Variants in ADGRG2 observed in about 807,000 individuals in gnomAD.
The protein encoded by ADGRG2 is G protein-coupled receptor 64.
ADGRG2 carries 26 observed loss-of-function variants against 74.1 expected under a neutral mutation model. The observed-to-expected ratio is 0.35, with a 90% CI of 0.26 to 0.49. The LOEUF is 0.49. ADGRG2 is among the 20% of genes least tolerant of loss of function. ADGRG2 has a pLI of 0.99. For synonymous variants in ADGRG2, 296 were observed against 295.2 expected (o/e 1.00, Z -0.03); for missense variants, 619 against 763.1 (o/e 0.81, Z 2.22).
chrX:19,017,431 T>TTA (rs2060492103), intron 15 of ADGRG2, among the ~76,000 whole-genome samples: 1 of 111,644 alleles, frequency 9.0e-6, no homozygotes, highest in Non-Finnish European at 1.9e-5. Flanking sequence ...TCCTGACCCC[T>TTA]TTTCTATTCC....
chrX:19,024,386 C>T lies in ADGRG2; in HGVS notation c.471-438G>A, dbSNP rs141778386. On this transcript the variant is annotated intron_variant, in intron 11 of 28. Coordinates refer to ENST00000379869, the MANE Select transcript of ADGRG2 (RefSeq NM_001079858.3). ...GTCTGCCCTCTCTGGCCCTCTCCAACGCTGCCTTCCCCTCCTCACAACTCC... is the reference window on the plus strand; with the variant it reads ...GTCTGCCCTCTCTGGCCCTCTCCAATGCTGCCTTCCCCTCCTCACAACTCC... Among the ~76,000 whole-genome samples, 10 of 111,472 alleles carry T rather than the reference C, an allele frequency of 9.0e-5. No homozygotes were observed. In the East Asian group the frequency reaches 2.0e-3, roughly 22 times the overall value.
chrX:19,076,928 A>G (rs2061757758), intron 2 of ADGRG2, among the ~76,000 whole-genome samples: 1 of 112,074 alleles, frequency 8.9e-6, no homozygotes, highest in African/African-American at 3.2e-5. Context: ...AATGAAATTC[A>G]AAAATTAAAG....
chrX:19,015,209 T>A (rs1004348803), intron 15 of ADGRG2, among the ~76,000 whole-genome samples: 1 of 111,874 alleles, frequency 8.9e-6, no homozygotes, highest in Non-Finnish European at 1.9e-5. Flanking sequence ...AGATGGAGAC[T>A]TAGAACACCA....
At chrX:19,054,812 T>C (rs1256968656) in intron 3 of ADGRG2, among the ~76,000 whole-genome samples, 4 of 111,854 alleles carry the variant, frequency 3.6e-5, no homozygotes, top group African/African-American at 1.3e-4. Context: ...TGGGCAGATG[T>C]GGGCAGCAGC....
chrX:19,122,915 C>T (rs1190716740), upstream of ADGRG2, among the ~76,000 whole-genome samples: 1 of 112,247 alleles, frequency 8.9e-6, no homozygotes, highest in African/African-American at 3.2e-5. Flanking sequence ...TTAGGGCTCG[C>T]CCCGGTACCC....
At chrX:18,999,323 G>C (rs752089952) in intron 25 of ADGRG2, 44 bp from the exon 26 acceptor site, 4 of 1,035,884 alleles carry the variant, frequency 3.9e-6, no homozygotes, top group Non-Finnish European at 5.2e-6. Context: ...ACATATTATA[G>C]TAATGAACTA....
At chrX:19,100,033 C>CA (rs750029807) in intron 1 of ADGRG2, among the ~76,000 whole-genome samples, 73 of 110,926 alleles carry the variant, frequency 6.6e-4, no homozygotes, top group African/African-American at 2.2e-3. Flanking sequence ...GACCCTGTCT[C>CA]AAAAAAACAC....
chrX:19,090,394 G>A (rs1050837355), intron 1 of ADGRG2, among the ~76,000 whole-genome samples: 1 of 111,801 alleles, frequency 8.9e-6, no homozygotes, highest in African/African-American at 3.3e-5. Flanking sequence ...ATGGGCCTTC[G>A]AGCCAGATGC....
At chrX:19,012,092 C>T (rs1473792785) in intron 16 of ADGRG2, among the ~76,000 whole-genome samples, 1 of 111,753 alleles carries the variant, frequency 8.9e-6, no homozygotes, top group African/African-American at 3.3e-5. Flanking sequence ...TGAAAATGCC[C>T]CCAAGTTTCT....
chrX:18,996,196 C>T (rs766612715), intron 26 of ADGRG2, 44 bp from the exon 27 acceptor site: 1 of 620,639 alleles, frequency 1.6e-6, no homozygotes, highest in Admixed American at 2.4e-5. Flanking sequence ...AAGCTAATAG[C>T]TGAATGTCAT....
chrX:19,099,878 T>A (rs764098652), intron 1 of ADGRG2, among the ~76,000 whole-genome samples: 2 of 110,694 alleles, frequency 1.8e-5, no homozygotes, highest in South Asian at 7.8e-4. Flanking sequence ...CTACAAAAAA[T>A]TCAAAAATTA....
At chrX:19,057,574 C>T (rs1032380359) in intron 3 of ADGRG2, among the ~76,000 whole-genome samples, 1 of 111,997 alleles carries the variant, frequency 8.9e-6, no homozygotes, top group East Asian at 2.8e-4. Flanking sequence ...CGATGACTCA[C>T]GCCTGTAATC....
chrX:19,092,732 C>T (rs2062033571), intron 1 of ADGRG2, among the ~76,000 whole-genome samples: 1 of 111,930 alleles, frequency 8.9e-6, no homozygotes, highest in Admixed American at 9.5e-5. Flanking sequence ...CATCCTGAAC[C>T]AGGACCTAGT....
chrX:19,049,145 C>T (rs1452623696), intron 3 of ADGRG2, among the ~76,000 whole-genome samples: 1 of 112,322 alleles, frequency 8.9e-6, no homozygotes, highest in Non-Finnish European at 1.9e-5. Flanking sequence ...CACTTTTCCC[C>T]CAGAAGGCCC....
intron 1 of ADGRG2, among the ~76,000 whole-genome samples, chrX:19,111,212 G>T (rs1216466573): frequency 2.7e-5 from 3 of 111,178 alleles, no homozygotes; most frequent in Non-Finnish European, 5.7e-5. Flanking sequence ...CAGGGAATCA[G>T]GATTTTGCTT....
At chrX:19,033,058 C>T (rs900572315) in intron 8 of ADGRG2, 5 of 111,717 alleles carry the variant, frequency 4.5e-5, no homozygotes, top group African/African-American at 1.6e-4. Context: ...AATCCTGTCT[C>T]TACAAAAAAT....
At chrX:19,025,000 C>G (rs2060669793) in intron 11 of ADGRG2, among the ~76,000 whole-genome samples, 1 of 111,859 alleles carries the variant, frequency 8.9e-6, no homozygotes, top group Non-Finnish European at 1.9e-5. Context: ...GTCTCAAACT[C>G]CTGGGCTCAA....
chrX:19,017,186 C>T (rs192367197), intron 15 of ADGRG2, among the ~76,000 whole-genome samples: 2 of 111,994 alleles, frequency 1.8e-5, no homozygotes, highest in East Asian at 5.6e-4. Flanking sequence ...GTCAGAAATG[C>T]AGACTTTCAG....
At chrX:18,997,369 TG>T (rs1337620854) in intron 26 of ADGRG2, among the ~76,000 whole-genome samples, 5 of 112,316 alleles carry the variant, frequency 4.5e-5, no homozygotes, top group Non-Finnish European at 5.6e-5. Context: ...GAAGATAATC[TG>T]GGGAAATGAA....
Sources: gnomAD v4.1 joint callset for allele counts (sites outside exome capture counted in the v4.1 genomes callset) on GRCh38, gnomAD v4.1.1 for gene constraint, MANE v1.5 for transcripts, NCBI Gene and HGNC (gene_info 2026-07-23, HGNC 2026-07-21) for gene names.